The following PREX2 variants were observed in gnomAD, a reference collection of about 807,000 sequenced individuals.
PREX2 encodes phosphatidylinositol-3,4,5-trisphosphate dependent Rac exchange factor 2.
Under a neutral mutation model 203.2 loss-of-function variants are expected in PREX2, and 107 were observed. The observed-to-expected ratio is 0.53, with a 90% CI of 0.45 to 0.62. The LOEUF (loss-of-function observed/expected upper bound fraction) is 0.62, where lower values mean the gene tolerates loss of function less well. Ranked by LOEUF, PREX2 falls within the 20% of genes least tolerant of loss-of-function variation. The probability of loss-of-function intolerance (pLI) is 0.00; values close to 1 mark genes in which losing one functional copy is unlikely to be tolerated. For missense variants in PREX2, 1,777 were observed against 1,955.9 expected (o/e 0.91, Z 1.72); for synonymous variants, 672 against 663.6 (o/e 1.01, Z -0.19).
intron 22 of PREX2, among the ~76,000 whole-genome samples, chr8:68,097,894 A>G (rs535029484): frequency 6.6e-6 from 1 of 152,372 alleles, no homozygotes; most frequent in South Asian, 2.1e-4. Context: ...CGTGAAATAC[A>G]TTATAAGAAA....
intron 23 of PREX2, among the ~76,000 whole-genome samples, chr8:68,101,678 T>A (rs1196486248): frequency 1.3e-5 from 2 of 152,210 alleles, no homozygotes; most frequent in Non-Finnish European, 2.9e-5. Flanking sequence ...GAAGAAGTTT[T>A]GAAAAAGAGA....
chr8:68,178,903 T>A (rs1325989945), intron 35 of PREX2, among the ~76,000 whole-genome samples: 1 of 152,164 alleles, frequency 6.6e-6, no homozygotes, highest in African/African-American at 2.4e-5. Context: ...AAACATCAAT[T>A]TTATTTCTCT....
chr8:68,217,868 G>T, intron 38 of PREX2, 150 bp downstream of exon 38: 1 of 492,156 alleles, frequency 2.0e-6, no homozygotes, highest in East Asian at 7.2e-5. Flanking sequence ...AATGCTCCCA[G>T]GGAGAAGATG....
intron 14 of PREX2, among the ~76,000 whole-genome samples, chr8:68,073,789 C>T (rs1446567396): frequency 2.0e-5 from 3 of 152,088 alleles, no homozygotes. Flanking sequence ...TTCATGTGAA[C>T]TTGTATGATG....
chr8:68,118,955 T>C (rs1019143245), intron 27 of PREX2: 2 of 519,442 alleles, frequency 3.9e-6, no homozygotes, highest in African/African-American at 1.9e-5. Flanking sequence ...GTATTAGGCA[T>C]GGTTGATGGG....
intron 33 of PREX2, among the ~76,000 whole-genome samples, chr8:68,140,291 A>G (rs1013091287): frequency 6.6e-6 from 1 of 152,248 alleles, no homozygotes; most frequent in Admixed American, 6.5e-5. Context: ...TGTCTCTTCA[A>G]AGCGTAACCT....
chr8:68,081,768 C>T (rs1373181252), intron 17 of PREX2, among the ~76,000 whole-genome samples: 1 of 152,134 alleles, frequency 6.6e-6, no homozygotes. Flanking sequence ...GATCTCGGCT[C>T]ACTGCAACCT....
intron 1 of PREX2, among the ~76,000 whole-genome samples, chr8:67,988,350 C>G (rs780637347): frequency 9.2e-5 from 14 of 152,198 alleles, no homozygotes; most frequent in Admixed American, 2.6e-4. Context: ...TAACCAAAGT[C>G]CCTATTGCTC....
Position 68,192,304 on chromosome 8 carries a change from G to T in PREX2, c.4414-31G>T. 3 of 1,540,298 alleles carry T rather than the reference G, an allele frequency of 1.9e-6. No individual in the cohort carries two copies. In the South Asian group the frequency reaches 3.7e-5, roughly 19 times the overall value. On this transcript the variant is annotated intron_variant, in intron 36 of 39. Transcript: ENST00000288368. The stretch of plus-strand genomic sequence containing the variant: ...CTAAAAGAATTTTACTAAACATGTT[G>T]AACTTGACGTTCATCACTTTTTTTC...
chr8:68,172,207 A>G (rs1811889983), intron 35 of PREX2, among the ~76,000 whole-genome samples: 1 of 152,220 alleles, frequency 6.6e-6, no homozygotes, highest in South Asian at 2.1e-4. Flanking sequence ...TAAATCTACA[A>G]AGTATTTGAA....
chr8:68,195,663 G>A (rs1023145706), intron 37 of PREX2, among the ~76,000 whole-genome samples: 14 of 152,148 alleles, frequency 9.2e-5, no homozygotes, highest in African/African-American at 2.4e-4. Flanking sequence ...CATTAAACAC[G>A]GAGGTTTACC....
chr8:68,062,269 T>A (rs1328100982), intron 11 of PREX2, among the ~76,000 whole-genome samples: 1 of 152,174 alleles, frequency 6.6e-6, no homozygotes, highest in East Asian at 1.9e-4. Flanking sequence ...TGTTCTCCAC[T>A]CCTGTAGTAC....
At chr8:67,989,801 T>C (rs935961625) in intron 1 of PREX2, among the ~76,000 whole-genome samples, 2 of 152,218 alleles carry the variant, frequency 1.3e-5, no homozygotes, top group Admixed American at 1.3e-4. Context: ...ATAACCTGTC[T>C]AGAGACACAC....
intron 33 of PREX2, among the ~76,000 whole-genome samples, chr8:68,139,418 G>A (rs1380624977): frequency 6.6e-6 from 1 of 152,150 alleles, no homozygotes; most frequent in Non-Finnish European, 1.5e-5. Context: ...GTGGAGTGGA[G>A]CAAGTGAGGG....
At chr8:68,096,928 T>C in intron 21 of PREX2, 89 bp from the exon 22 acceptor site, 1 of 1,094,462 alleles carries the variant, frequency 9.1e-7, no homozygotes, top group Non-Finnish European at 1.4e-6. Flanking sequence ...AAAGAACTCT[T>C]TAAAAATTAT....
intron 32 of PREX2, among the ~76,000 whole-genome samples, chr8:68,135,953 C>T (rs1350996911): frequency 6.6e-6 from 1 of 152,090 alleles, no homozygotes; most frequent in Non-Finnish European, 1.5e-5. Context: ...AAGCATTATA[C>T]TAAGTGAAAT....
In PREX2 at chr8:68,134,101, C is replaced by A. The variant is rs1340932395; in HGVS notation, c.3809C>A (p.Thr1270Asn). 1.4e-5 allele frequency: 23 copies of A among 1,614,146 alleles called. No individual in the cohort carries two copies. The highest frequency in any genetic ancestry group is 1.9e-5 in the Non-Finnish European group (22 of 1,179,994). Residue 1270 changes from threonine (T) to asparagine (N), a missense_variant, in exon 32 of 40, where the codon ACT becomes AAT. Transcript: ENST00000288368. ...QLRRDMVFCQ[T>N]LVATVCAFSE... Reference sequence around the variant, plus strand: ...CGTAGAGACATGGTTTTCTGCCAGACTCTTGTGGCCACTGTCTGTGCCTTC... The same window carrying A: ...CGTAGAGACATGGTTTTCTGCCAGAATCTTGTGGCCACTGTCTGTGCCTTC...
chr8:68,076,722 CACAT>C (rs1177129453), intron 14 of PREX2, among the ~76,000 whole-genome samples: 1 of 143,680 alleles, frequency 7.0e-6, no homozygotes, highest in African/African-American at 2.6e-5. Flanking sequence ...CACACACACA[CACAT>C]GCATGTTCAT....
At position 68,185,577 on chromosome 8, in the gene PREX2, G is replaced by A. The variant is rs572246100; in HGVS notation, c.4347-6145G>A. Among the ~76,000 whole-genome samples the A allele has an allele frequency of 1.8e-4, 27 of 152,162 alleles. No individual in the cohort carries two copies. The South Asian group carries it at 2.1e-3, about 12-fold the overall frequency. ...TCCCTGTCTTGCATTATAAATACCT[G>A]TGTATTTGTCTTCTTGATTAGATGG... is the stretch of plus-strand genomic sequence containing the variant. On this transcript the variant is annotated intron_variant, in intron 35 of 39. Transcript: ENST00000288368.
Sources: gnomAD v4.1 joint callset for allele counts (sites outside exome capture counted in the v4.1 genomes callset) on GRCh38, gnomAD v4.1.1 for gene constraint, MANE v1.5 for transcripts, NCBI Gene and HGNC (gene_info 2026-07-23, HGNC 2026-07-21) for gene names.